DLGAP1: variants seen among roughly 807,000 people sequenced by gnomAD.
DLGAP1 encodes the protein DLG associated protein 1, also known as disks large-associated protein 1.
A neutral mutation model predicts 90.8 loss-of-function variants in DLGAP1; 11 were observed. That is an observed-to-expected ratio of 0.12 (90% CI 0.08 to 0.20). DLGAP1 has a LOEUF of 0.20. Among genes scored for constraint, DLGAP1 ranks in the 10% least tolerant of loss-of-function variants. The pLI is 1.00. For missense variants in DLGAP1, 1,050 were observed against 1,333.8 expected, an observed-to-expected ratio of 0.79 and a Z score of 3.31; for synonymous variants, 558 against 540.7, an observed-to-expected ratio of 1.03 and a Z score of -0.44.
intron 7 of DLGAP1, among the ~76,000 whole-genome samples, chr18:3,664,043 T>C (rs2059781042): frequency 6.6e-6 from 1 of 152,170 alleles, no homozygotes; most frequent in Middle Eastern, 3.2e-3. Context: ...CGACTTGAAC[T>C]GGAACTTACA....
intron 1 of DLGAP1, among the ~76,000 whole-genome samples, chr18:4,432,600 G>GTA (rs763029778): frequency 1.9e-4 from 29 of 150,910 alleles, no homozygotes; most frequent in Middle Eastern, 3.4e-3. Flanking sequence ...GTGTGTGTGT[G>GTA]TGTGTGTGTG....
At chr18:4,442,949 A>G (rs1043150261) in intron 1 of DLGAP1, among the ~76,000 whole-genome samples, 1 of 152,220 alleles carries the variant, frequency 6.6e-6, no homozygotes, top group Non-Finnish European at 1.5e-5. Context: ...GGCACATAGT[A>G]GTCATTCAAT....
chr18:3,629,827 G>C (rs1024439670), intron 7 of DLGAP1, among the ~76,000 whole-genome samples: 20 of 152,014 alleles, frequency 1.3e-4, no homozygotes, highest in Non-Finnish European at 1.5e-5. Context: ...TTGATATTTC[G>C]ATGTCCCTTT....
chr18:4,072,364 A>T (rs1272876029), intron 2 of DLGAP1, among the ~76,000 whole-genome samples: 1 of 152,002 alleles, frequency 6.6e-6, no homozygotes, highest in Non-Finnish European at 1.5e-5. Flanking sequence ...TAGTCAATGT[A>T]TCAGTCCTAT....
At chr18:4,078,401 C>A (rs1484410990) in intron 2 of DLGAP1, among the ~76,000 whole-genome samples, 1 of 152,110 alleles carries the variant, frequency 6.6e-6, no homozygotes, top group Non-Finnish European at 1.5e-5. Context: ...AAGTGTAAGA[C>A]AAATGACCAT....
intron 3 of DLGAP1, among the ~76,000 whole-genome samples, chr18:3,973,432 C>T (rs1271553389): frequency 1.3e-5 from 2 of 152,188 alleles, no homozygotes; most frequent in Admixed American, 6.5e-5. Context: ...GCTCCGTCAC[C>T]TTTGTGCTCC....
Position 3,499,178 on chromosome 18 carries a change from G to T in DLGAP1, c.*7C>A. 1 of 1,557,214 alleles carries T rather than the reference G, an allele frequency of 6.4e-7. No individual in the cohort carries two copies. On this transcript the variant is annotated 3_prime_UTR_variant, in exon 13 of 13. Transcript: ENST00000315677. This position sits in a 1 kb window ranked among gnomAD's most constrained non-coding sequence, Gnocchi z 6.4. ...TGCTTGGCGGCGGCGGCCGGGCTGC[G>T]GGGCGCTCAGAGCCGGGTCTGCGCC...
At chr18:4,348,919 G>T (rs2081354336) in intron 1 of DLGAP1, among the ~76,000 whole-genome samples, 1 of 152,026 alleles carries the variant, frequency 6.6e-6, no homozygotes, top group Non-Finnish European at 1.5e-5. Context: ...AATACAAAAG[G>T]AATGATGGAT....
intron 1 of DLGAP1, among the ~76,000 whole-genome samples, chr18:4,201,329 C>T (rs1453652594): frequency 1.3e-5 from 2 of 152,092 alleles, no homozygotes; most frequent in African/African-American, 2.4e-5. Context: ...CAGTTTTATT[C>T]TTCCACATGT....
intron 7 of DLGAP1, among the ~76,000 whole-genome samples, chr18:3,669,450 AG>A (rs1320849255): frequency 6.6e-6 from 1 of 152,180 alleles, no homozygotes; most frequent in Non-Finnish European, 1.5e-5. Context: ...TCGAGACCCT[AG>A]TAAGGAAAGA....
At chr18:3,779,995 C>T (rs2065118878) in intron 5 of DLGAP1, among the ~76,000 whole-genome samples, 1 of 151,996 alleles carries the variant, frequency 6.6e-6, no homozygotes, top group African/African-American at 2.4e-5. Flanking sequence ...TATATGTTGG[C>T]CAGGCTGGTC....
chr18:4,072,313 T>C (rs1001908976), intron 2 of DLGAP1, among the ~76,000 whole-genome samples: 4 of 149,860 alleles, frequency 2.7e-5, no homozygotes, highest in Admixed American at 6.7e-5. Context: ...TTTTTTTTCA[T>C]AGATTGAGAT....
At chr18:4,136,648 T>A (rs1391227817) in intron 2 of DLGAP1, among the ~76,000 whole-genome samples, 1 of 152,208 alleles carries the variant, frequency 6.6e-6, no homozygotes, top group African/African-American at 2.4e-5. Flanking sequence ...TAATTCCTTG[T>A]CCAATGGATA....
intron 5 of DLGAP1, among the ~76,000 whole-genome samples, chr18:3,777,280 G>T (rs558585381): frequency 6.6e-6 from 1 of 152,236 alleles, no homozygotes; most frequent in African/African-American, 2.4e-5. Flanking sequence ...ATATTCGGAA[G>T]GAAATTCAGA....
At position 3,798,866 on chromosome 18, in the gene DLGAP1, CT is replaced by C. The variant is rs563321021; in HGVS notation, c.1172+15192del. Among the ~76,000 whole-genome samples, 497 of 149,760 alleles carry C rather than the reference CT, an allele frequency of 3.3e-3. 2 individuals carry two copies. Among genetic ancestry groups the C allele is most frequent in the Middle Eastern group, 0.021 (6 of 292 alleles). Reference sequence around the variant, plus strand: ...GATCTCACTTAATGGCCTCAATAGACTTTTTTTTTTCTTTCTTTCTCTTTTG... The same window carrying C: ...GATCTCACTTAATGGCCTCAATAGACTTTTTTTTTCTTTCTTTCTCTTTTG... On this transcript the variant is annotated intron_variant, in intron 5 of 12. Transcript: ENST00000315677.
At chr18:4,231,118 A>C (rs2078290955) in intron 1 of DLGAP1, among the ~76,000 whole-genome samples, 1 of 152,082 alleles carries the variant, frequency 6.6e-6, no homozygotes, top group Non-Finnish European at 1.5e-5. Context: ...CAGAAATATT[A>C]TCTCTTGAGA....
chr18:4,327,260 G>T lies in DLGAP1; in HGVS notation c.-267+127746C>A, dbSNP rs936877480. 3.3e-5 allele frequency among the ~76,000 whole-genome samples: 5 copies of T among 151,922 alleles called. No homozygotes were observed. The East Asian group carries it at 7.7e-4, about 23-fold the overall frequency. On this transcript the variant is annotated intron_variant, in intron 1 of 12. Coordinates refer to ENST00000315677, the MANE Select transcript of DLGAP1 (RefSeq NM_004746.4). The stretch of plus-strand genomic sequence containing the variant: ...AGATAGTATGTGAGGTAATGGATAT[G>T]TTAATTAGCTTAATTTAATCATTAC...
intron 8 of DLGAP1, among the ~76,000 whole-genome samples, chr18:3,568,835 C>T (rs898849046): frequency 7.9e-5 from 12 of 151,800 alleles, no homozygotes; most frequent in East Asian, 3.9e-4. Flanking sequence ...TACAGGTGCC[C>T]GCCACCACGC....
At position 3,553,964 on chromosome 18, in the gene DLGAP1, T is replaced by C. The variant is rs1328720208; in HGVS notation, c.2057+13526A>G. On this transcript the variant is annotated intron_variant, in intron 9 of 12. Coordinates refer to ENST00000315677, the MANE Select transcript of DLGAP1 (RefSeq NM_004746.4). The stretch of plus-strand genomic sequence containing the variant: ...TGAAAACAGTAATATTCTTCCTCTT[T>C]GTGTCCACTGCTGGAGTCTTAGAGT... Among the ~76,000 whole-genome samples the C allele has an allele frequency of 3.3e-5, 5 of 152,192 alleles. No individual in the cohort carries two copies. In the East Asian group the frequency reaches 9.6e-4, roughly 29 times the overall value.
Sources: gnomAD v4.1 joint callset for allele counts (sites outside exome capture counted in the v4.1 genomes callset) on GRCh38, gnomAD v4.1.1 for gene constraint, Gnocchi (gnomAD v3.1) non-coding constraint, MANE v1.5 for transcripts, NCBI Gene and HGNC (gene_info 2026-07-23, HGNC 2026-07-21) for gene names.